Variants in BEND5 observed in about 807,000 individuals in gnomAD.
BEND5 encodes the protein BEN domain containing 5.
In BEND5, 22 loss-of-function variants were observed where a neutral mutation model predicts 43.9. That is an observed-to-expected ratio of 0.50 (90% confidence interval 0.36 to 0.72). BEND5 has a LOEUF of 0.72. Among genes scored for constraint, BEND5 ranks in the 30% least tolerant of loss-of-function variants. The probability of loss-of-function intolerance (pLI) is 0.00; values close to 1 mark genes in which losing one functional copy is unlikely to be tolerated. For synonymous variants in BEND5, 228 were observed against 225.9 expected, an observed-to-expected ratio of 1.01 and a Z score of -0.08; for missense variants, 428 against 550.6, an observed-to-expected ratio of 0.78 and a Z score of 2.23.
Position 48,776,557 on chromosome 1 carries a change from T to C in BEND5, c.226+49A>G, listed in dbSNP as rs753637354. On this transcript the variant is annotated intron_variant, in intron 1 of 5. Transcript: ENST00000371833. Reference sequence around the variant, plus strand: ...CCCGGGCCCCCGGCCCCTCCCGGGGTCCCAGCCCCCGCCCGGGTCCCACCG... The same window carrying C: ...CCCGGGCCCCCGGCCCCTCCCGGGGCCCCAGCCCCCGCCCGGGTCCCACCG... 250 of 1,068,196 alleles carry C rather than the reference T, an allele frequency of 2.3e-4. 1 individual carries two copies. The highest frequency in any genetic ancestry group is 9.0e-5 in the Admixed American group (2 of 22,336). The allele number at this position is 1,068,196 out of a possible 1,614,324, so 66.2% of individuals were successfully genotyped here.
intron 1 of BEND5, among the ~76,000 whole-genome samples, chr1:48,763,352 C>A (rs1432213022): frequency 1.3e-5 from 2 of 152,188 alleles, no homozygotes; most frequent in African/African-American, 4.8e-5. Flanking sequence ...TCAGGGTTTT[C>A]TAAAAGAGCA....
At chr1:48,756,976 A>G (rs1021426311) in intron 3 of BEND5, among the ~76,000 whole-genome samples, 4 of 152,228 alleles carry the variant, frequency 2.6e-5, no homozygotes, top group African/African-American at 9.6e-5. Context: ...CAAGACACTG[A>G]AACTATGCTT....
intron 1 of BEND5, among the ~76,000 whole-genome samples, chr1:48,771,166 T>C (rs1170537996): frequency 1.3e-5 from 2 of 152,190 alleles, no homozygotes. Flanking sequence ...TCAATACTTG[T>C]GGAACTTAAA....
intron 3 of BEND5, among the ~76,000 whole-genome samples, chr1:48,757,271 T>C (rs1001803365): frequency 6.6e-6 from 1 of 152,230 alleles, no homozygotes; most frequent in Non-Finnish European, 1.5e-5. Flanking sequence ...ATTTTTTCTC[T>C]CTGAAAATTT....
intron 1 of BEND5, among the ~76,000 whole-genome samples, chr1:48,766,049 C>A (rs900744112): frequency 6.6e-6 from 1 of 152,110 alleles, no homozygotes; most frequent in Non-Finnish European, 1.5e-5. Flanking sequence ...CTTGCACACA[C>A]TTTAAAATGG....
intron 3 of BEND5, among the ~76,000 whole-genome samples, chr1:48,751,756 A>T (rs1420253093): frequency 6.6e-6 from 1 of 152,188 alleles, no homozygotes; most frequent in East Asian, 1.9e-4. Context: ...CTTCCTCTGG[A>T]TGTTCTAAAT....
chr1:48,734,867 A>G (rs911438921), intron 5 of BEND5, among the ~76,000 whole-genome samples: 9 of 152,192 alleles, frequency 5.9e-5, no homozygotes, highest in Admixed American at 2.6e-4. Context: ...TGCTGAAAAC[A>G]TATGTGTTGA....
intron 1 of BEND5, among the ~76,000 whole-genome samples, chr1:48,765,978 G>A (rs1041909004): frequency 6.6e-6 from 1 of 152,120 alleles, no homozygotes; most frequent in African/African-American, 2.4e-5. Flanking sequence ...TGATAAAAAC[G>A]TTCCGGAATT....
At chr1:48,752,670 TG>T in intron 3 of BEND5, among the ~76,000 whole-genome samples, 1 of 152,342 alleles carries the variant, frequency 6.6e-6, no homozygotes, top group East Asian at 1.9e-4. Flanking sequence ...CATCTTCAAA[TG>T]ATTCTATATC....
At chr1:48,754,002 G>C (rs1258137362) in intron 3 of BEND5, among the ~76,000 whole-genome samples, 1 of 152,162 alleles carries the variant, frequency 6.6e-6, no homozygotes, top group Non-Finnish European at 1.5e-5. Context: ...TGAGACTTGT[G>C]TGCATCCTGA....
chr1:48,728,051 G>A lies in BEND5; in HGVS notation c.1109-8C>T, dbSNP rs771075842. The A allele has an allele frequency of 2.5e-6, 4 of 1,572,178 alleles. No homozygotes were observed. The highest frequency in any genetic ancestry group is 3.5e-6 in the Non-Finnish European group (4 of 1,155,346). Reference sequence around the variant, plus strand: ...TTCTGTCATACAAACACTCTAGACGGGGAGAAGAAACAAGGCCAAGGATTA... The same window carrying A: ...TTCTGTCATACAAACACTCTAGACGAGGAGAAGAAACAAGGCCAAGGATTA... On this transcript the variant is annotated splice_region_variant and splice_polypyrimidine_tract_variant and intron_variant, in intron 5 of 5. Transcript: ENST00000371833.
At chr1:48,744,760 A>G (rs1259172372) in intron 3 of BEND5, among the ~76,000 whole-genome samples, 3 of 152,140 alleles carry the variant, frequency 2.0e-5, no homozygotes, top group Non-Finnish European at 4.4e-5. Flanking sequence ...GTCCCACACC[A>G]TGGCCTCCAT....
chr1:48,767,467 A>C (rs1265393762), intron 1 of BEND5, among the ~76,000 whole-genome samples: 1 of 152,228 alleles, frequency 6.6e-6, no homozygotes, highest in East Asian at 1.9e-4. Flanking sequence ...TTAATGTGAC[A>C]GTGGCAAGCA....
chr1:48,753,416 AGAAGCATTT>A (rs1237511861), intron 3 of BEND5, among the ~76,000 whole-genome samples: 1 of 152,232 alleles, frequency 6.6e-6, no homozygotes, highest in African/African-American at 2.4e-5. Context: ...AAAACCAGCA[AGAAGCATTT>A]GGCTGACATC....
At chr1:48,772,685 T>C (rs961929102) in intron 1 of BEND5, among the ~76,000 whole-genome samples, 12 of 152,174 alleles carry the variant, frequency 7.9e-5, no homozygotes, top group African/African-American at 2.7e-4. Context: ...ACTAAGACTG[T>C]GTTTTAGAAG....
intron 1 of BEND5, 33 bp downstream of exon 1, chr1:48,776,573 G>GGTCCCACCGTCCCTCCCCGCCCGC: frequency 7.3e-7 from 1 of 1,361,884 alleles, no homozygotes; most frequent in Non-Finnish European, 9.5e-7. Flanking sequence ...CCCCCGCCCG[G>GGTCCCACCGTCCCTCCCCGCCCGC]GTCCCACCGT....
chr1:48,759,010 A>G lies in BEND5; in HGVS notation c.635T>C (p.Val212Ala), dbSNP rs1158564806. Residue 212 changes from valine (V) to alanine (A), a missense_variant, in exon 3 of 6, where the codon GTA becomes GCA. Physicochemically the swap from Val to Ala is moderately conservative, Grantham distance 64. Coordinates refer to ENST00000371833, the MANE Select transcript of BEND5 (RefSeq NM_024603.4). ...CTCCTTGAGCTTCTTGGCCTGTTGT[A>G]CCAGCTGCCTCCGAGTCCGCTCCAG... ...QELERTRRQL[V>A]QQAKKLKEYG... 1.9e-6 allele frequency: 3 copies of G among 1,613,858 alleles called. No individual in the cohort carries two copies. In the Middle Eastern group the frequency reaches 4.9e-4, roughly 265 times the overall value.
At chr1:48,731,672 T>C (rs199821594) in intron 5 of BEND5, among the ~76,000 whole-genome samples, 4 of 152,258 alleles carry the variant, frequency 2.6e-5, no homozygotes, top group Admixed American at 6.5e-5. Context: ...GGAAAAGTAT[T>C]TGCAAATTCC....
At chr1:48,765,920 T>C (rs1644506180) in intron 1 of BEND5, among the ~76,000 whole-genome samples, 1 of 152,154 alleles carries the variant, frequency 6.6e-6, no homozygotes, top group African/African-American at 2.4e-5. Context: ...AAAAGGGCAA[T>C]AAAGAGTGAC....
Sources: allele counts gnomAD v4.1 joint callset (sites outside exome capture counted in the v4.1 genomes callset), GRCh38; gene constraint gnomAD v4.1.1; transcripts MANE v1.5; gene names NCBI Gene and HGNC (gene_info 2026-07-23, HGNC 2026-07-21).